The following MSRA variants were observed in gnomAD, a reference collection of about 807,000 sequenced individuals.
MSRA encodes the protein mitochondrial peptide methionine sulfoxide reductase.
In MSRA, 54 loss-of-function variants were observed where a neutral mutation model predicts 31.3. That is an observed-to-expected ratio of 1.73 (90% CI 1.39 to 2.17). The LOEUF (loss-of-function observed/expected upper bound fraction) is 2.17. Among genes scored for constraint, MSRA ranks in the 30% most tolerant of loss-of-function variants. The pLI, the probability that MSRA is intolerant of heterozygous loss-of-function variation, is 0.00. For missense variants in MSRA, 507 were observed against 300.9 expected (o/e 1.69, Z -5.07); for synonymous variants, 169 against 116.5 (o/e 1.45, Z -2.90).
At chr8:10,398,844 C>T (rs1807265489) in intron 5 of MSRA, among the ~76,000 whole-genome samples, 1 of 152,192 alleles carries the variant, frequency 6.6e-6, no homozygotes, top group Non-Finnish European at 1.5e-5. Context: ...CAAAAAATAT[C>T]ACCATTGCTT....
intron 1 of MSRA, among the ~76,000 whole-genome samples, chr8:10,184,437 A>G (rs147016960): frequency 3.3e-5 from 5 of 152,162 alleles, no homozygotes; most frequent in Non-Finnish European, 7.4e-5. Flanking sequence ...CTCTAGATGT[A>G]AAAGGTTTGG....
At chr8:10,344,687 T>A (rs557992193) in intron 5 of MSRA, among the ~76,000 whole-genome samples, 1 of 150,684 alleles carries the variant, frequency 6.6e-6, no homozygotes, top group African/African-American at 2.4e-5. Flanking sequence ...CTAACTACCA[T>A]GAGTTTGAAT....
At chr8:10,413,661 T>TAAAAAA (rs35633124) in intron 5 of MSRA, among the ~76,000 whole-genome samples, 1 of 137,498 alleles carries the variant, frequency 7.3e-6, no homozygotes, top group African/African-American at 2.7e-5. Context: ...AGAGAGATAT[T>TAAAAAA]AAAAAAAAAA....
chr8:10,364,892 A>T (rs1239753591), intron 5 of MSRA, among the ~76,000 whole-genome samples: 1 of 152,192 alleles, frequency 6.6e-6, no homozygotes, highest in Non-Finnish European at 1.5e-5. Context: ...TAAACTGTGA[A>T]TCCTTCCTCC....
chr8:10,281,438 A>C (rs1799617427), intron 3 of MSRA, among the ~76,000 whole-genome samples: 1 of 152,206 alleles, frequency 6.6e-6, no homozygotes, highest in South Asian at 2.1e-4. Flanking sequence ...CTCATAGGTA[A>C]TCATCTATAA....
intron 2 of MSRA, among the ~76,000 whole-genome samples, chr8:10,217,651 C>A (rs756349505): frequency 6.6e-6 from 1 of 152,154 alleles, no homozygotes; most frequent in Non-Finnish European, 1.5e-5. Context: ...CCACTCCCTC[C>A]CCCTCTTCTA....
At chr8:10,090,894 T>C (rs983725025) in intron 1 of MSRA, among the ~76,000 whole-genome samples, 5 of 152,234 alleles carry the variant, frequency 3.3e-5, no homozygotes, top group Non-Finnish European at 5.9e-5. Context: ...TGAGTAATAT[T>C]CCAATGTGTA....
chr8:10,411,741 A>AT (rs1808171970), intron 5 of MSRA, among the ~76,000 whole-genome samples: 2 of 152,256 alleles, frequency 1.3e-5, no homozygotes, highest in African/African-American at 4.8e-5. Context: ...GCTAAGTCTC[A>AT]TTTTTTAAAC....
intron 4 of MSRA, among the ~76,000 whole-genome samples, chr8:10,302,307 T>C (rs1343755310): frequency 2.0e-5 from 3 of 152,280 alleles, no homozygotes; most frequent in Admixed American, 6.5e-5. Flanking sequence ...AATTTCAAGA[T>C]CGCATCCCAG....
chr8:10,193,861 A>G lies in MSRA; in HGVS notation c.143-13972A>G, dbSNP rs539657202. On this transcript the variant is annotated intron_variant, in intron 1 of 5. Coordinates refer to ENST00000317173, the MANE Select transcript of MSRA (RefSeq NM_012331.5). ...GCTGATTTACATGTGCTGTATCTCT[A>G]GTAAGGGCAGGATTTTTTAAAAAAA... Among the ~76,000 whole-genome samples, 119 of 152,328 alleles carry G rather than the reference A, an allele frequency of 7.8e-4. 2 individuals carry two copies. The highest frequency in any genetic ancestry group is 5.0e-4 in the Non-Finnish European group (34 of 68,040).
At chr8:10,078,136 A>G (rs1798087351) in intron 1 of MSRA, among the ~76,000 whole-genome samples, 2 of 152,342 alleles carry the variant, frequency 1.3e-5, no homozygotes, top group South Asian at 2.1e-4. Flanking sequence ...CGGTAAGTAC[A>G]CAGCAACAGG....
chr8:10,320,367 G>A (rs899443761), intron 5 of MSRA: 3 of 157,130 alleles, frequency 1.9e-5, no homozygotes, highest in African/African-American at 7.2e-5. Flanking sequence ...ACCTGGGAGG[G>A]TGAGGTGGGA....
intron 1 of MSRA, among the ~76,000 whole-genome samples, chr8:10,098,812 G>A (rs1261602166): frequency 6.6e-6 from 1 of 152,204 alleles, no homozygotes; most frequent in Non-Finnish European, 1.5e-5. Flanking sequence ...AATCAGGGAG[G>A]AAGAAACTGA....
Position 10,284,915 on chromosome 8 carries a change from C to T in MSRA, c.332-16619C>T, listed in dbSNP as rs116236806. ...TTTGCCACTATTATTATCAAATGAT[C>T]TCTAGTTTTGCATCTTCAAAATCTA... On this transcript the variant is annotated intron_variant, in intron 3 of 5. Transcript: ENST00000317173. 3.6e-3 allele frequency among the ~76,000 whole-genome samples: 553 copies of T among 152,088 alleles called. 3 individuals carry two copies. The highest frequency in any genetic ancestry group is 0.013 in the African/African-American group (534 of 41,474).
rs528753270 is a variant in MSRA, at chr8:10,155,002, T to TTA, written c.143-52820_143-52819dup. Among the ~76,000 whole-genome samples, 10 of 123,896 alleles carry TTA rather than the reference T, an allele frequency of 8.1e-5. 1 individual carries two copies. Among genetic ancestry groups the TTA allele is most frequent in the African/African-American group, 2.9e-4 (9 of 30,854 alleles). The allele number at this position is 123,896 out of a possible 152,430, so 81.3% of individuals were successfully genotyped here. A position where few individuals can be genotyped will look rare whatever the true frequency, so the allele number is the denominator to read the frequency against. On this transcript the variant is annotated intron_variant, in intron 1 of 5. Coordinates refer to ENST00000317173, the MANE Select transcript of MSRA (RefSeq NM_012331.5). The stretch of plus-strand genomic sequence containing the variant: ...AATAGTTTGATAATGTGTATATATT[T>TTA]TATATATATATAGGTTTTACCTTGC...
intron 5 of MSRA, among the ~76,000 whole-genome samples, chr8:10,397,109 T>G (rs1807143554): frequency 6.6e-6 from 1 of 152,224 alleles, no homozygotes; most frequent in Non-Finnish European, 1.5e-5. Context: ...AGCAACTATA[T>G]AGGACTCTAT....
At chr8:10,078,289 A>C (rs1022486549) in intron 1 of MSRA, among the ~76,000 whole-genome samples, 1 of 152,110 alleles carries the variant, frequency 6.6e-6, no homozygotes, top group East Asian at 1.9e-4. Flanking sequence ...CGAGTGTAAT[A>C]CCCATGGTAG....
chr8:10,377,166 A>C (rs1170232268), intron 5 of MSRA, among the ~76,000 whole-genome samples: 3 of 152,228 alleles, frequency 2.0e-5, no homozygotes, highest in African/African-American at 4.8e-5. Flanking sequence ...TTTTTCTTGG[A>C]ACGATTTGCC....
At chr8:10,328,055 T>TTA (rs1802478081) in intron 5 of MSRA, among the ~76,000 whole-genome samples, 3 of 76,532 alleles carry the variant, frequency 3.9e-5, no homozygotes, top group African/African-American at 3.9e-5. Context: ...TTTTTTTTAG[T>TTA]ATCAGTGACA....
Sources: gnomAD v4.1 joint callset for allele counts (sites outside exome capture counted in the v4.1 genomes callset) on GRCh38, gnomAD v4.1.1 for gene constraint, MANE v1.5 for transcripts, NCBI Gene and HGNC (gene_info 2026-07-23, HGNC 2026-07-21) for gene names.